Variants in SLC37A1 observed in about 807,000 individuals in gnomAD.
The protein encoded by SLC37A1 is glucose-6-phosphate exchanger SLC37A1.
Under a neutral mutation model 75.3 loss-of-function variants are expected in SLC37A1, and 49 were observed. That is an observed-to-expected ratio of 0.65 (90% CI 0.52 to 0.83). SLC37A1 has a LOEUF of 0.83. Ranked by LOEUF, SLC37A1 falls within the 40% of genes least tolerant of loss-of-function variation. SLC37A1 has a pLI of 0.00. For synonymous variants in SLC37A1, 268 were observed against 292.1 expected (o/e 0.92, Z 0.84); for missense variants, 566 against 695.0 (o/e 0.81, Z 2.09).
At chr21:42,522,487 G>A (rs1406039040) in intron 2 of SLC37A1, among the ~76,000 whole-genome samples, 5 of 152,108 alleles carry the variant, frequency 3.3e-5, no homozygotes, top group African/African-American at 9.7e-5. Flanking sequence ...TGGCTGCCGC[G>A]GTTTAGCAAT....
chr21:42,535,420 A>G, intron 4 of SLC37A1, 52 bp from the exon 5 acceptor site: 2 of 1,495,594 alleles, frequency 1.3e-6, no homozygotes, highest in East Asian at 4.5e-5. Context: ...GTGCTCTAGA[A>G]CATAAACTAA....
intron 3 of SLC37A1, among the ~76,000 whole-genome samples, chr21:42,531,619 G>A (rs1568998329): frequency 6.6e-6 from 1 of 152,208 alleles, no homozygotes; most frequent in African/African-American, 2.4e-5. Context: ...CGCAGGGATG[G>A]TGTGGCTATG....
At chr21:42,505,798 G>A (rs989675117) in intron 2 of SLC37A1, among the ~76,000 whole-genome samples, 1 of 152,178 alleles carries the variant, frequency 6.6e-6, no homozygotes, top group African/African-American at 2.4e-5. Flanking sequence ...ATTTCTGACA[G>A]GTTAAGGATT....
chr21:42,575,887 A>G, intron 18 of SLC37A1: 1 of 985,396 alleles, frequency 1.0e-6, no homozygotes, highest in Non-Finnish European at 1.2e-6. Context: ...TAATGCCTGA[A>G]TGTTCTAATG....
In SLC37A1 at chr21:42,561,851, G is replaced by GCCCCT. The variant is rs1205744938; in HGVS notation, c.982-223_982-219dup. Reference sequence around the variant, plus strand: ...GGGCCCCACCCTTCTCAGAGGCCCCGCCCCTCCCTGGTGCCCCTGCTCGGG... The same window carrying GCCCCT: ...GGGCCCCACCCTTCTCAGAGGCCCCGCCCCTCCCCTCCCTGGTGCCCCTGCTCGGG... On this transcript the variant is annotated intron_variant, in intron 11 of 19. Coordinates refer to ENST00000352133, the MANE Select transcript of SLC37A1 (RefSeq NM_001320537.2). 754 of 495,404 alleles carry GCCCCT rather than the reference G, an allele frequency of 1.5e-3. 2 individuals carry two copies. The highest frequency in any genetic ancestry group is 2.1e-3 in the Non-Finnish European group (574 of 277,420). 30.7% of individuals were successfully genotyped at this position (495,404 alleles called of 1,614,324 possible).
chr21:42,566,882 A>AG, intron 15 of SLC37A1, 103 bp from the exon 16 acceptor site: 2 of 1,153,554 alleles, frequency 1.7e-6, no homozygotes, highest in Middle Eastern at 2.2e-4. Flanking sequence ...TTTCTGCTGC[A>AG]TCCCCTCCCT....
chr21:42,525,843 A>T lies in SLC37A1; in HGVS notation c.124A>T (p.Ile42Phe), dbSNP rs372987479. Residue 42 changes from isoleucine to phenylalanine, a missense_variant, in exon 3 of 20, where the codon ATC becomes TTC. Physicochemically the swap from Ile to Phe is conservative, Grantham distance 21. Coordinates refer to ENST00000352133, the MANE Select transcript of SLC37A1 (RefSeq NM_001320537.2). ...YASFHLSRKP[I>F]SIVKGELHKY... The stretch of plus-strand genomic sequence containing the variant: ...AAGTTTTCACTTATCTCGAAAGCCT[A>T]TCAGCATAGTTAAGGTAAGAATCAT... 4 of 1,613,698 alleles carry T rather than the reference A, an allele frequency of 2.5e-6. No homozygotes were observed. The highest frequency in any genetic ancestry group is 1.3e-5 in the African/African-American group (1 of 75,044).
intron 17 of SLC37A1, among the ~76,000 whole-genome samples, chr21:42,573,666 AC>A (rs2056242066): frequency 6.6e-6 from 1 of 152,130 alleles, no homozygotes; most frequent in African/African-American, 2.4e-5. Context: ...CACTTTGTGA[AC>A]ACTTGAAAAA....
intron 2 of SLC37A1, chr21:42,502,548 A>G (rs919500020): frequency 6.6e-6 from 1 of 152,254 alleles, no homozygotes; most frequent in Non-Finnish European, 1.5e-5. Flanking sequence ...TTCTTCACCT[A>G]TGATAACCCT....
chr21:42,567,828 G>A (rs2056018344), intron 16 of SLC37A1, among the ~76,000 whole-genome samples: 1 of 151,942 alleles, frequency 6.6e-6, no homozygotes. Context: ...AGCTCCTGGC[G>A]GCTGCTCACC....
At chr21:42,525,200 C>T (rs925439359) in intron 2 of SLC37A1, among the ~76,000 whole-genome samples, 9 of 152,238 alleles carry the variant, frequency 5.9e-5, no homozygotes, top group African/African-American at 1.2e-4. Flanking sequence ...TTTGTAACAT[C>T]GTTTATAATA....
chr21:42,563,238 C>G (rs1051055265), intron 12 of SLC37A1, among the ~76,000 whole-genome samples: 1 of 152,218 alleles, frequency 6.6e-6, no homozygotes, highest in Admixed American at 6.5e-5. Context: ...GTTCTCAGGA[C>G]TTGAGTCTTG....
chr21:42,575,207 G>C, intron 18 of SLC37A1: 1 of 983,364 alleles, frequency 1.0e-6, no homozygotes, highest in Non-Finnish European at 1.2e-6. Flanking sequence ...TGTGTGACTT[G>C]GGCAGGTTTC....
intron 3 of SLC37A1, among the ~76,000 whole-genome samples, chr21:42,532,157 C>G (rs1186625554): frequency 6.6e-6 from 1 of 152,138 alleles, no homozygotes; most frequent in Admixed American, 6.5e-5. Flanking sequence ...GCTGCCGAAG[C>G]CTATATCCCT....
intron 17 of SLC37A1, among the ~76,000 whole-genome samples, chr21:42,574,276 A>C (rs2056257900): frequency 6.6e-6 from 1 of 152,226 alleles, no homozygotes; most frequent in Non-Finnish European, 1.5e-5. Flanking sequence ...AGAATATCTA[A>C]GATTGTGCAT....
intron 10 of SLC37A1, 48 bp from the exon 11 acceptor site, chr21:42,558,910 C>T (rs1325684345): frequency 6.2e-7 from 1 of 1,611,630 alleles, no homozygotes; most frequent in Admixed American, 1.7e-5. Flanking sequence ...CCCAGACTGC[C>T]CGGCTGGTAA....
intron 7 of SLC37A1, 150 bp downstream of exon 7, chr21:42,542,630 C>CA: frequency 2.6e-6 from 2 of 776,270 alleles, no homozygotes; most frequent in Non-Finnish European, 4.1e-6. Flanking sequence ...TGCTGAAATT[C>CA]AGATGGCCTG....
chr21:42,563,910 A>G, intron 13 of SLC37A1, 33 bp downstream of exon 13: 2 of 1,612,552 alleles, frequency 1.2e-6, no homozygotes, highest in South Asian at 1.1e-5. Flanking sequence ...TGCTGCAACA[A>G]TAATTTCGCA....
chr21:42,532,367 G>A (rs920269090), intron 3 of SLC37A1, among the ~76,000 whole-genome samples: 1 of 152,212 alleles, frequency 6.6e-6, no homozygotes, highest in Non-Finnish European at 1.5e-5. Flanking sequence ...TTCTGCACCA[G>A]GTTAATGTTA....
Sources: gnomAD v4.1 joint callset for allele counts (sites outside exome capture counted in the v4.1 genomes callset) on GRCh38, gnomAD v4.1.1 for gene constraint, MANE v1.5 for transcripts, NCBI Gene and HGNC (gene_info 2026-07-23, HGNC 2026-07-21) for gene names.